The following PIP5K1C variants were observed in gnomAD, a reference collection of about 807,000 sequenced individuals.
PIP5K1C encodes phosphatidylinositol-4-phosphate 5-kinase type 1 gamma, also known as phosphatidylinositol 4-phosphate 5-kinase type-1 gamma.
Under a neutral mutation model 80.1 loss-of-function variants are expected in PIP5K1C, and 45 were observed. That is an observed-to-expected ratio of 0.56 (90% CI 0.44 to 0.72). The LOEUF (loss-of-function observed/expected upper bound fraction) is 0.72, where lower values mean the gene tolerates loss of function less well. Ranked by LOEUF, PIP5K1C falls within the 30% of genes least tolerant of loss-of-function variation. PIP5K1C has a pLI of 0.00. For missense variants in PIP5K1C, 753 were observed against 954.6 expected, an observed-to-expected ratio of 0.79 and a Z score of 2.78; for synonymous variants, 498 against 420.1, an observed-to-expected ratio of 1.19 and a Z score of -2.27.
intron 6 of PIP5K1C, among the ~76,000 whole-genome samples, chr19:3,653,912 G>T (rs1442647618): frequency 6.6e-6 from 1 of 152,240 alleles, no homozygotes; most frequent in Non-Finnish European, 1.5e-5. Flanking sequence ...CTCGCCTGTT[G>T]GGAGGTCTGG....
At chr19:3,666,600 C>A (rs1187165661) in intron 2 of PIP5K1C, among the ~76,000 whole-genome samples, 1 of 151,774 alleles carries the variant, frequency 6.6e-6, no homozygotes, top group Non-Finnish European at 1.5e-5. Flanking sequence ...CAGGCAAACA[C>A]GTGCACACAC....
chr19:3,675,755 T>C lies in PIP5K1C; in HGVS notation c.95-8402A>G, dbSNP rs567976450. ...TCCCCCCTCAGCACTTAGGGCTGGA[T>C]TGTTCTCTGGGCTGGTCACTGGGGC... On this transcript the variant is annotated intron_variant, in intron 1 of 17. Transcript: ENST00000335312. Among the ~76,000 whole-genome samples, 3 of 152,254 alleles carry C rather than the reference T, an allele frequency of 2.0e-5. No homozygotes were observed. The East Asian group carries it at 5.8e-4, about 29-fold the overall frequency.
At chr19:3,680,164 T>C (rs554572513) in intron 1 of PIP5K1C, among the ~76,000 whole-genome samples, 1 of 152,330 alleles carries the variant, frequency 6.6e-6, no homozygotes, top group South Asian at 2.1e-4. Flanking sequence ...TGGTGAATGG[T>C]GTCAGGTGAT....
At chr19:3,645,346 G>A (rs1466408595) in intron 11 of PIP5K1C, among the ~76,000 whole-genome samples, 1 of 152,264 alleles carries the variant, frequency 6.6e-6, no homozygotes, top group Non-Finnish European at 1.5e-5. Flanking sequence ...CTGGCAGCAG[G>A]TTGGCCACGG....
At chr19:3,651,669 T>C (rs1382771309) in intron 8 of PIP5K1C, among the ~76,000 whole-genome samples, 157 bp downstream of exon 8, 2 of 152,228 alleles carry the variant, frequency 1.3e-5, no homozygotes, top group African/African-American at 2.4e-5. Context: ...CTGGCTTCGC[T>C]CTGAGGCGCT....
At chr19:3,675,786 T>A (rs2035338791) in intron 1 of PIP5K1C, among the ~76,000 whole-genome samples, 1 of 152,186 alleles carries the variant, frequency 6.6e-6, no homozygotes, top group African/African-American at 2.4e-5. Flanking sequence ...GGGGCCGTCC[T>A]GGGCACTGCA....
At chr19:3,662,455 A>G (rs2034865064) in intron 3 of PIP5K1C, among the ~76,000 whole-genome samples, 1 of 152,244 alleles carries the variant, frequency 6.6e-6, no homozygotes, top group Admixed American at 6.5e-5. Flanking sequence ...ACGTGGTCAC[A>G]CTGGGCAACC....
chr19:3,641,812 G>GC lies in PIP5K1C; in HGVS notation c.1683-4dup. 1 of 1,609,148 alleles carries GC rather than the reference G, an allele frequency of 6.2e-7. No homozygotes were observed. Among genetic ancestry groups the GC allele is most frequent in the Non-Finnish European group, 8.5e-7 (1 of 1,178,310 alleles). ...CCGCGGGTGGCTCCTCCTGCGGCCT[G>GC]CAGGCAATGGGAGGTTGTGCCTCGG... On this transcript the variant is annotated splice_polypyrimidine_tract_variant and splice_region_variant and intron_variant, in intron 14 of 17. Transcript: ENST00000335312.
chr19:3,693,024 G>A (rs909861785), intron 1 of PIP5K1C, among the ~76,000 whole-genome samples: 5 of 151,788 alleles, frequency 3.3e-5, no homozygotes, highest in Non-Finnish European at 7.4e-5. Context: ...TCCTCTGCTC[G>A]GCTCTTCTCC....
intron 1 of PIP5K1C, among the ~76,000 whole-genome samples, chr19:3,677,590 A>T (rs549791035): frequency 3.2e-4 from 49 of 151,680 alleles, no homozygotes; most frequent in African/African-American, 1.2e-3. Flanking sequence ...CTCAAAAAAA[A>T]AGAGACAGTG....
chr19:3,678,676 C>T (rs1249247630), intron 1 of PIP5K1C, among the ~76,000 whole-genome samples: 2 of 63,044 alleles, frequency 3.2e-5, no homozygotes, highest in African/African-American at 6.3e-5. Context: ...GGAGGGATGG[C>T]GAGATGGAGG....
rs116540760 is a variant in PIP5K1C, at chr19:3,637,353, A to G, written c.1920+1531T>C. Reference sequence around the variant, plus strand: ...GACCGAATGACATTCCCAGTGACGCATGCAGCCCAGCGCCTGGTCCGGGGC... The same window carrying G: ...GACCGAATGACATTCCCAGTGACGCGTGCAGCCCAGCGCCTGGTCCGGGGC... On this transcript the variant is annotated intron_variant, in intron 16 of 17. Transcript: ENST00000335312. The surrounding 1 kb of genome is among the most constrained non-coding windows in gnomAD (Gnocchi z 7.0). 468 of 1,535,050 alleles carry G rather than the reference A, an allele frequency of 3.0e-4. 1 individual carries two copies. In the African/African-American group the frequency reaches 5.7e-3, roughly 19 times the overall value.
chr19:3,660,564 C>T (rs1487944268), intron 5 of PIP5K1C, among the ~76,000 whole-genome samples: 5 of 152,176 alleles, frequency 3.3e-5, no homozygotes, highest in Admixed American at 1.3e-4. Context: ...TCCGACTCTA[C>T]GCTGGTCCCC....
intron 12 of PIP5K1C, 126 bp from the exon 13 acceptor site, chr19:3,643,507 C>G: frequency 1.9e-6 from 2 of 1,055,728 alleles, no homozygotes; most frequent in African/African-American, 3.1e-5. Flanking sequence ...CCCAGACACT[C>G]CCACCTCCCC....
chr19:3,666,296 G>T (rs143489066), intron 2 of PIP5K1C, among the ~76,000 whole-genome samples: 1 of 152,232 alleles, frequency 6.6e-6, no homozygotes, highest in Non-Finnish European at 1.5e-5. Context: ...GCAGCAGCTC[G>T]GGTGCCCTCA....
chr19:3,651,709 C>G, intron 8 of PIP5K1C, 117 bp downstream of exon 8: 2 of 1,022,260 alleles, frequency 2.0e-6, no homozygotes, highest in Non-Finnish European at 3.0e-6. Flanking sequence ...CTGTCTGTCA[C>G]CCACGCATGC....
chr19:3,654,127 A>C (rs2034542828), intron 6 of PIP5K1C, among the ~76,000 whole-genome samples: 1 of 152,202 alleles, frequency 6.6e-6, no homozygotes, highest in African/African-American at 2.4e-5. Context: ...TCAGCCTCCG[A>C]AAGTGCCAGG....
intron 16 of PIP5K1C, 128 bp from the exon 17 acceptor site, chr19:3,633,648 G>A: frequency 1.7e-6 from 1 of 587,594 alleles, no homozygotes. Context: ...AAGACGAGGG[G>A]TGGCTCAGCC....
At chr19:3,689,193 A>G (rs2035869222) in intron 1 of PIP5K1C, among the ~76,000 whole-genome samples, 1 of 152,002 alleles carries the variant, frequency 6.6e-6, no homozygotes, top group Non-Finnish European at 1.5e-5. Context: ...ACCCAGCCCT[A>G]AAATAACACG....
Sources: allele counts gnomAD v4.1 joint callset (sites outside exome capture counted in the v4.1 genomes callset), GRCh38; gene constraint gnomAD v4.1.1; non-coding constraint Gnocchi (gnomAD v3.1); transcripts MANE v1.5; gene names NCBI Gene and HGNC (gene_info 2026-07-23, HGNC 2026-07-21).